The following TIAM1 variants were observed in gnomAD, a reference collection of about 807,000 sequenced individuals.
TIAM1 encodes rho guanine nucleotide exchange factor TIAM1.
A neutral mutation model predicts 163.5 loss-of-function variants in TIAM1; 65 were observed. The ratio of observed to expected loss-of-function variants is 0.40; its 90% CI spans 0.33 to 0.49. TIAM1 has a LOEUF of 0.49. TIAM1 is among the 20% of genes least tolerant of loss of function. The pLI is 0.77. For synonymous variants in TIAM1, 833 were observed against 810.1 expected (o/e 1.03, Z -0.48); for missense variants, 1,789 against 2,044.7 (o/e 0.87, Z 2.41).
At chr21:31,469,476 T>C (rs879880267) in intron 1 of TIAM1, among the ~76,000 whole-genome samples, 5 of 152,048 alleles carry the variant, frequency 3.3e-5, no homozygotes, top group African/African-American at 1.2e-4. Context: ...TGCGATATAC[T>C]TTCCTGCCAA....
intron 2 of TIAM1, among the ~76,000 whole-genome samples, chr21:31,451,326 T>G (rs879484828): frequency 6.6e-5 from 10 of 152,174 alleles, no homozygotes; most frequent in Non-Finnish European, 1.2e-4. Flanking sequence ...AACAGCAGCA[T>G]GTTTGATTAA....
At chr21:31,159,548 A>G (rs1339428401) in intron 16 of TIAM1, among the ~76,000 whole-genome samples, 1 of 152,212 alleles carries the variant, frequency 6.6e-6, no homozygotes, top group Non-Finnish European at 1.5e-5. Context: ...CCTTTACTTA[A>G]GCTTTTTTTG....
intron 4 of TIAM1, among the ~76,000 whole-genome samples, chr21:31,264,563 A>G (rs2146807520): frequency 6.6e-6 from 1 of 152,364 alleles, no homozygotes; most frequent in East Asian, 1.9e-4. Context: ...AAAGTCACTC[A>G]GGTAAGAAGA....
intron 16 of TIAM1, among the ~76,000 whole-genome samples, chr21:31,163,955 G>A (rs1048101873): frequency 2.6e-5 from 4 of 152,196 alleles, no homozygotes; most frequent in South Asian, 2.1e-4. Flanking sequence ...AAAATCACAC[G>A]CAATTGCTTT....
In TIAM1 at chr21:31,210,748, GAGAAAGAAAGAAAGAAAGAAAGAA is replaced by G. The variant is rs1272829774; in HGVS notation, c.2218-557_2218-534del. ...AAGAAAGAGAAAGAAGGAAGGAAGG[GAGAAAGAAAGAAAGAAAGAAAGAA>G]AGAAAGAAAGAAAGAAAGAAAGAAA... On this transcript the variant is annotated intron_variant, in intron 10 of 27. Transcript: ENST00000541036. Among the ~76,000 whole-genome samples the G allele has an allele frequency of 2.0e-3, 117 of 59,800 alleles. 1 individual carries two copies. The highest frequency in any genetic ancestry group is 3.8e-3 in the South Asian group (6 of 1,566). The allele number at this position is 59,800 out of a possible 152,430, so 39.2% of individuals were successfully genotyped here. A position where few individuals can be genotyped will look rare whatever the true frequency, so the allele number is the denominator to read the frequency against.
intron 25 of TIAM1, among the ~76,000 whole-genome samples, chr21:31,128,377 G>A (rs553582051): frequency 9.6e-4 from 146 of 152,288 alleles, no homozygotes; most frequent in Non-Finnish European, 1.7e-3. Flanking sequence ...ATGAAAAATA[G>A]AGAGTGAGAA....
rs112778274 is a variant in TIAM1, at chr21:31,153,174, A to T, written c.3172-40T>A. 3.9e-5 allele frequency: 58 copies of T among 1,499,726 alleles called. 1 individual carries two copies. The highest frequency in any genetic ancestry group is 3.7e-6 in the Non-Finnish European group (4 of 1,088,122). The allele number at this position is 1,499,726 out of a possible 1,614,324, so 92.9% of individuals were successfully genotyped here. On this transcript the variant is annotated intron_variant, in intron 17 of 27. Coordinates refer to ENST00000541036, the MANE Select transcript of TIAM1 (RefSeq NM_001353694.2). ...GAGAACTCATTAGCTTATGTGTTTTATTTTTTATATACCCTAGAACTTAAA... is the reference window on the plus strand; with the variant it reads ...GAGAACTCATTAGCTTATGTGTTTTTTTTTTTATATACCCTAGAACTTAAA...
Position 31,321,375 on chromosome 21 carries a change from G to A in TIAM1, c.-189+17868C>T, listed in dbSNP as rs547926190. On this transcript the variant is annotated intron_variant, in intron 2 of 27. Coordinates refer to ENST00000541036, the MANE Select transcript of TIAM1 (RefSeq NM_001353694.2). ...TTGTTTGTTTGTTTGTTTTTGAGACGGAGTTTCGCTCTTGTTGCCCAGGCT... is the reference window on the plus strand; with the variant it reads ...TTGTTTGTTTGTTTGTTTTTGAGACAGAGTTTCGCTCTTGTTGCCCAGGCT... Among the ~76,000 whole-genome samples, 23 of 150,708 alleles carry A rather than the reference G, an allele frequency of 1.5e-4. 1 individual carries two copies. The South Asian group carries it at 4.6e-3, about 30-fold the overall frequency.
chr21:31,174,267 T>C (rs2833323), intron 15 of TIAM1, among the ~76,000 whole-genome samples: 2,164 of 152,356 alleles, frequency 0.014, 43 homozygotes, highest in African/African-American at 0.049. Context: ...GTCCTGCCCA[T>C]GCAGACCAAG....
chr21:31,477,012 T>C (rs2045954218), intron 1 of TIAM1, among the ~76,000 whole-genome samples: 1 of 152,182 alleles, frequency 6.6e-6, no homozygotes, highest in East Asian at 1.9e-4. Context: ...CAGGTTCAAA[T>C]AAAAAAGGGA....
At position 31,123,423 on chromosome 21, in the gene TIAM1, G is replaced by C. The variant is rs183119510; in HGVS notation, c.4306+1099C>G. On this transcript the variant is annotated intron_variant, in intron 27 of 27. Coordinates refer to ENST00000541036, the MANE Select transcript of TIAM1 (RefSeq NM_001353694.2). ...CATATGGACGTATGAAAGACTCTTA[G>C]GATACATCAGAAAACTCAGCAAAGT... Among the ~76,000 whole-genome samples the C allele has an allele frequency of 3.4e-3, 519 of 152,264 alleles. 1 individual carries two copies. The highest frequency in any genetic ancestry group is 0.012 in the African/African-American group (486 of 41,558).
chr21:31,544,644 C>A (rs2048429972), intron 1 of TIAM1, among the ~76,000 whole-genome samples: 1 of 151,260 alleles, frequency 6.6e-6, no homozygotes, highest in Non-Finnish European at 1.5e-5. Context: ...AATAAATAAA[C>A]AAGCAAACAA....
intron 12 of TIAM1, among the ~76,000 whole-genome samples, chr21:31,195,663 G>A (rs1357581401): frequency 2.6e-5 from 4 of 152,126 alleles, no homozygotes; most frequent in Non-Finnish European, 4.4e-5. Context: ...TCTTGGTATG[G>A]AATTCATGGA....
At chr21:31,296,447 C>T (rs1217371171) in intron 2 of TIAM1, among the ~76,000 whole-genome samples, 1 of 152,124 alleles carries the variant, frequency 6.6e-6, no homozygotes, top group Non-Finnish European at 1.5e-5. Flanking sequence ...CAAAAACAAC[C>T]ATTTTAAGAC....
At chr21:31,491,023 G>C (rs1344169249) in intron 1 of TIAM1, among the ~76,000 whole-genome samples, 2 of 152,196 alleles carry the variant, frequency 1.3e-5, no homozygotes, top group African/African-American at 4.8e-5. Context: ...TACTCCAGAG[G>C]CGGAGGCTGA....
intron 3 of TIAM1, among the ~76,000 whole-genome samples, chr21:31,275,863 C>A (rs1046065212): frequency 1.3e-5 from 2 of 152,008 alleles, no homozygotes; most frequent in African/African-American, 2.4e-5. Flanking sequence ...GAAATCTGAC[C>A]ATAAGGCATT....
Position 31,120,461 on chromosome 21 carries a change from C to A in TIAM1, c.4683G>T (p.Gly1561=). The change falls in exon 28 of 28, where the codon GGG becomes GGT. Residue 1561 remains glycine, a synonymous_variant. Coordinates refer to ENST00000541036, the MANE Select transcript of TIAM1 (RefSeq NM_001353694.2). This position sits in a 1 kb window ranked among gnomAD's most constrained non-coding sequence, Gnocchi z 4.2. The part of the protein sequence containing the change: ...AQLKKQAALS[G]INGGLESASE... ...TTGCGCTCTCCAGGCCTCCATTGAT[C>A]CCCGACAGGGCAGCTTGCTTCTTGA... 5 of 1,614,214 alleles carry A rather than the reference C, an allele frequency of 3.1e-6. No individual in the cohort carries two copies. The highest frequency in any genetic ancestry group is 4.2e-6 in the Non-Finnish European group (5 of 1,180,034).
chr21:31,519,333 C>T (rs1215335518), intron 1 of TIAM1, among the ~76,000 whole-genome samples: 4 of 120,698 alleles, frequency 3.3e-5, no homozygotes, highest in Non-Finnish European at 7.0e-5. Context: ...AAAAAAGAAA[C>T]CTCGCCTCTA....
intron 2 of TIAM1, among the ~76,000 whole-genome samples, chr21:31,282,103 A>C (rs1429474933): frequency 6.6e-6 from 1 of 152,352 alleles, no homozygotes; most frequent in South Asian, 2.1e-4. Flanking sequence ...AGTAAGCTTT[A>C]TAACAGCCAA....
Sources: allele counts gnomAD v4.1 joint callset (sites outside exome capture counted in the v4.1 genomes callset), GRCh38; gene constraint gnomAD v4.1.1; non-coding constraint Gnocchi (gnomAD v3.1); transcripts MANE v1.5; gene names NCBI Gene and HGNC (gene_info 2026-07-23, HGNC 2026-07-21).